The following GUCY2F variants were observed in gnomAD, a reference collection of about 807,000 sequenced individuals.
GUCY2F encodes the protein retinal guanylyl cyclase 2.
In GUCY2F, 61 loss-of-function variants were observed where a neutral mutation model predicts 73.1. The ratio of observed to expected loss-of-function variants is 0.83; its 90% CI spans 0.68 to 1.03. GUCY2F has a LOEUF of 1.03. GUCY2F is among the 50% of genes least tolerant of loss of function. The probability of loss-of-function intolerance (pLI) is 0.00; values close to 1 mark genes in which losing one functional copy is unlikely to be tolerated. For synonymous variants in GUCY2F, 331 were observed against 307.8 expected, an observed-to-expected ratio of 1.08 and a Z score of -0.79; for missense variants, 912 against 854.3, an observed-to-expected ratio of 1.07 and a Z score of -0.84.
chrX:109,479,610 C>T (rs1372031681), intron 1 of GUCY2F, among the ~76,000 whole-genome samples: 1 of 112,181 alleles, frequency 8.9e-6, no homozygotes, highest in East Asian at 2.8e-4. Context: ...TGAGTTCATT[C>T]AACATTTTCT....
intron 16 of GUCY2F, among the ~76,000 whole-genome samples, chrX:109,384,975 A>G (rs1193472089): frequency 8.9e-6 from 1 of 111,919 alleles, no homozygotes; most frequent in African/African-American, 3.2e-5. Context: ...AAAGAAAGGT[A>G]CATGTTCAGT....
At chrX:109,388,789 C>G (rs1438548144) in intron 14 of GUCY2F, 126 bp from the exon 15 acceptor site, 7 of 446,762 alleles carry the variant, frequency 1.6e-5, no homozygotes, top group Non-Finnish European at 2.7e-5. Context: ...GAGGGACTGT[C>G]AATGATCCAC....
intron 10 of GUCY2F, 128 bp downstream of exon 10, chrX:109,404,200 G>C: frequency 1.9e-6 from 1 of 536,861 alleles, no homozygotes; most frequent in East Asian, 3.5e-5. Flanking sequence ...CCTTGGCTTG[G>C]AAATGAGGCT....
At chrX:109,374,626 G>A (rs943592797) in intron 19 of GUCY2F, among the ~76,000 whole-genome samples, 9 of 110,592 alleles carry the variant, frequency 8.1e-5, no homozygotes, top group Non-Finnish European at 1.7e-4. Context: ...TTCCTACAGA[G>A]AGAGAGAGAG....
At position 109,416,068 on chromosome X, in the gene GUCY2F, C is replaced by CA. The variant is rs755610558; in HGVS notation, c.1792-6901dup. Among the ~76,000 whole-genome samples the CA allele has an allele frequency of 8.2e-5, 9 of 110,063 alleles. No individual in the cohort carries two copies. In the South Asian group the frequency reaches 3.0e-3, roughly 37 times the overall value. ...TAAAATTTGGGTTTACCTACAAGAA[C>CA]AAAAAAATAGTTCTTTAGAGCAACA... On this transcript the variant is annotated intron_variant, in intron 8 of 19. Coordinates refer to ENST00000218006, the MANE Select transcript of GUCY2F (RefSeq NM_001522.3).
chrX:109,375,834 A>G (rs993340590), intron 19 of GUCY2F, 64 bp downstream of exon 19: 1 of 807,214 alleles, frequency 1.2e-6, no homozygotes, highest in Non-Finnish European at 1.9e-6. Context: ...CACGCATGCC[A>G]AAGGAAGCCC....
intron 6 of GUCY2F, among the ~76,000 whole-genome samples, chrX:109,447,102 T>G (rs997965224): frequency 3.6e-5 from 4 of 111,490 alleles, no homozygotes; most frequent in Non-Finnish European, 7.5e-5. Flanking sequence ...GTTAGAATGG[T>G]GATCATTAAA....
intron 17 of GUCY2F, among the ~76,000 whole-genome samples, chrX:109,380,321 T>A (rs183380312): frequency 6.5e-4 from 72 of 111,329 alleles, no homozygotes; most frequent in African/African-American, 2.3e-3. Flanking sequence ...GGCGACATGG[T>A]CTTATTGGGG....
chrX:109,477,806 C>T (rs1473723510), intron 1 of GUCY2F, among the ~76,000 whole-genome samples: 4 of 112,271 alleles, frequency 3.6e-5, no homozygotes, highest in Non-Finnish European at 5.6e-5. Context: ...ATTATCTTGA[C>T]TCTCACTCCT....
chrX:109,376,868 A>G (rs1381838822), intron 17 of GUCY2F, among the ~76,000 whole-genome samples: 1 of 111,525 alleles, frequency 9.0e-6, no homozygotes, highest in African/African-American at 3.3e-5. Flanking sequence ...CTTTCCTCTC[A>G]ATGTGCTTCT....
At chrX:109,465,529 G>A in intron 2 of GUCY2F, 86 bp from the exon 3 acceptor site, 1 of 674,373 alleles carries the variant, frequency 1.5e-6, no homozygotes, top group Non-Finnish European at 2.3e-6. Context: ...AAATAAATGT[G>A]TTCTAACCAA....
intron 8 of GUCY2F, among the ~76,000 whole-genome samples, chrX:109,427,031 C>G (rs1271679133): frequency 8.9e-6 from 1 of 111,878 alleles, no homozygotes; most frequent in African/African-American, 3.2e-5. Context: ...ATGTGTTTAA[C>G]AAAGGCAAAA....
At chrX:109,477,379 A>G (rs1247750789) in intron 1 of GUCY2F, among the ~76,000 whole-genome samples, 1 of 111,946 alleles carries the variant, frequency 8.9e-6, no homozygotes, top group African/African-American at 3.3e-5. Context: ...GAGACGATGC[A>G]TTCTGATAGA....
chrX:109,476,587 G>A (rs1365253580), intron 1 of GUCY2F, among the ~76,000 whole-genome samples: 1 of 110,840 alleles, frequency 9.0e-6, no homozygotes, highest in Admixed American at 9.6e-5. Flanking sequence ...AGGAGAGAAG[G>A]GAGGAAGAAC....
chrX:109,458,696 G>A (rs777422999), intron 3 of GUCY2F, among the ~76,000 whole-genome samples: 4 of 110,684 alleles, frequency 3.6e-5, no homozygotes, highest in Admixed American at 9.6e-5. Flanking sequence ...TATATCCCCT[G>A]CAGAGTGCCT....
intron 8 of GUCY2F, among the ~76,000 whole-genome samples, chrX:109,416,933 C>CAAAAAAAAAAAAAAAAAAAAAAAAA (rs367707786): frequency 1.7e-5 from 1 of 57,632 alleles, no homozygotes. Flanking sequence ...CAAAGAAATG[C>CAAAAAAAAAAAAAAAAAAAAAAAAA]AAAAAAAAAA....
intron 1 of GUCY2F, among the ~76,000 whole-genome samples, chrX:109,477,684 AATAATGGC>A (rs748278595): frequency 1.4e-4 from 16 of 112,281 alleles, no homozygotes; most frequent in Non-Finnish European, 2.8e-4. Context: ...CAAAGATCAA[AATAATGGC>A]ATAGCTTTCT....
Position 109,475,638 on chromosome X carries a change from A to AG in GUCY2F, c.298dup (p.Leu100ProfsTer3), listed in dbSNP as rs1297943946. 8.3e-7 allele frequency: 1 copy of AG among 1,209,282 alleles called. No individual in the cohort carries two copies. The highest frequency in any genetic ancestry group is 1.8e-5 in the South Asian group (1 of 56,918). On this transcript the variant is annotated frameshift_variant, in exon 2 of 20. Transcript: ENST00000218006. LOFTEE classifies it high-confidence loss of function. ...CCTCGAAGTCTGGCAGTCTTCATTG[A>AG]GAATCACGTATTCAAAAGAATAACT... is the stretch of plus-strand genomic sequence containing the variant.
chrX:109,444,572 G>C (rs1307095000), intron 6 of GUCY2F, among the ~76,000 whole-genome samples: 9 of 111,914 alleles, frequency 8.0e-5, no homozygotes, highest in Non-Finnish European at 1.3e-4. Flanking sequence ...ACACTAGCTA[G>C]CTTTGACAGT....
Sources: gnomAD v4.1 joint callset for allele counts (sites outside exome capture counted in the v4.1 genomes callset) on GRCh38, gnomAD v4.1.1 for gene constraint, MANE v1.5 for transcripts, NCBI Gene and HGNC (gene_info 2026-07-23, HGNC 2026-07-21) for gene names.